The following ELMOD3 variants were observed in gnomAD, a reference collection of about 807,000 sequenced individuals.
ELMOD3 encodes ELMO domain containing 3, also known as ELMO domain-containing protein 3.
A neutral mutation model predicts 47.4 loss-of-function variants in ELMOD3; 36 were observed. The ratio of observed to expected loss-of-function variants is 0.76; its 90% CI spans 0.58 to 1.00. The LOEUF (loss-of-function observed/expected upper bound fraction) is 1.00, where lower values mean the gene tolerates loss of function less well. Among genes scored for constraint, ELMOD3 ranks in the 50% least tolerant of loss-of-function variants. The pLI, the probability that ELMOD3 is intolerant of heterozygous loss-of-function variation, is 0.00. For missense variants in ELMOD3, 404 were observed against 463.8 expected, an observed-to-expected ratio of 0.87 and a Z score of 1.18; for synonymous variants, 149 against 183.5, an observed-to-expected ratio of 0.81 and a Z score of 1.52.
At chr2:85,364,413 G>A (rs984235231) in intron 6 of ELMOD3, among the ~76,000 whole-genome samples, 31 of 151,902 alleles carry the variant, frequency 2.0e-4, no homozygotes, top group African/African-American at 7.0e-4. Context: ...GTTAAACCCC[G>A]TCTCTAGTAA....
At chr2:85,382,966 C>T (rs1685685801) in intron 11 of ELMOD3, among the ~76,000 whole-genome samples, 1 of 146,572 alleles carries the variant, frequency 6.8e-6, no homozygotes, top group Non-Finnish European at 1.5e-5. Flanking sequence ...AAAAAAAACT[C>T]ATCTTCCCTG....
At chr2:85,380,045 G>C (rs1224908883) in intron 11 of ELMOD3, among the ~76,000 whole-genome samples, 1 of 152,168 alleles carries the variant, frequency 6.6e-6, no homozygotes, top group African/African-American at 2.4e-5. Flanking sequence ...AATCAAGTTT[G>C]AGTTCTTAAA....
Position 85,357,022 on chromosome 2 carries a change from A to G in ELMOD3, c.-177A>G. On this transcript the variant is annotated 5_prime_UTR_variant, in exon 4 of 14. Transcript: ENST00000409013. ...CTCTCAGCACTCACAGAAACCTCCT[A>G]CACCCTCGGATGGCACAAAGGGACT... 1.9e-6 allele frequency: 1 copy of G among 524,854 alleles called. No individual in the cohort carries two copies. The allele number at this position is 524,854 out of a possible 1,614,324, so 32.5% of individuals were successfully genotyped here. A position where few individuals can be genotyped will look rare whatever the true frequency, so the allele number is the denominator to read the frequency against.
In ELMOD3 at chr2:85,377,430, C is replaced by G; in HGVS notation, c.694C>G (p.Pro232Ala). The G allele has an allele frequency of 6.2e-7, 1 of 1,610,454 alleles. No homozygotes were observed. Among genetic ancestry groups the G allele is most frequent in the Non-Finnish European group, 8.5e-7 (1 of 1,178,242 alleles). ...CCTGGTGATGGACTCAAAGACCTTG[C>G]CGATGGCGCAGGAGATTTTCCGCCT... The part of the protein sequence containing the change: ...LYLVMDSKTL[P>A]MAQEIFRLSR... Residue 232 changes from proline to alanine, a missense_variant, in exon 11 of 14, where the codon CCG (proline) becomes GCG (alanine). Pro to Ala is a conservative substitution (Grantham distance 27, BLOSUM62 -1). Coordinates refer to ENST00000409013, the MANE Select transcript of ELMOD3 (RefSeq NM_001135022.2).
rs112765866 is a variant in ELMOD3 at position 85,377,338 on chromosome 2, T to C, written c.608-6T>C. On this transcript the variant is annotated splice_region_variant and splice_polypyrimidine_tract_variant and intron_variant, in intron 10 of 13. Coordinates refer to ENST00000409013, the MANE Select transcript of ELMOD3 (RefSeq NM_001135022.2). ...ACACCCTGTTTCCTCACGGTCTCTG[T>C]TACAGGAGCGAATCCAGCCACAGAC... 6.3e-6 allele frequency: 10 copies of C among 1,593,570 alleles called. No homozygotes were observed. The highest frequency in any genetic ancestry group is 2.7e-5 in the African/African-American group (2 of 74,042).
Position 85,369,725 on chromosome 2 carries a change from C to A in ELMOD3, c.269-14C>A. ...ACTCCTATAAATCCTGGCATGTCTT[C>A]CGTTTTGCCACAGGGAGCCAAGCTA... On this transcript the variant is annotated splice_polypyrimidine_tract_variant and intron_variant, in intron 7 of 13. Transcript: ENST00000409013. 6.2e-7 allele frequency: 1 copy of A among 1,612,254 alleles called. No homozygotes were observed. The highest frequency in any genetic ancestry group is 8.5e-7 in the Non-Finnish European group (1 of 1,179,244).
At chr2:85,387,469 T>C (rs890124484) in intron 11 of ELMOD3, among the ~76,000 whole-genome samples, 9 of 151,846 alleles carry the variant, frequency 5.9e-5, no homozygotes, top group African/African-American at 2.2e-4. Context: ...CAAAACCAGC[T>C]TGGCCAACAT....
chr2:85,390,748 T>C lies in ELMOD3; in HGVS notation c.944-12T>C. ...CCTCAAGCCTTCTGCTCCCCAATTC[T>C]CTCTGTTGCAGAGTTGGAAGTATTG... On this transcript the variant is annotated splice_polypyrimidine_tract_variant and intron_variant, in intron 13 of 13. Transcript: ENST00000409013. 5 of 1,550,206 alleles carry C rather than the reference T, an allele frequency of 3.2e-6. No homozygotes were observed. The highest frequency in any genetic ancestry group is 4.4e-6 in the Non-Finnish European group (5 of 1,146,916).
rs769854449 is a variant in ELMOD3 at position 85,390,274 on chromosome 2, T to C, written c.943+9T>C. ...GGGCTTTGTCCTCAAAGGTGTGCTCTTTCTTCTGGGGAGGCCTAGGCTGAA... is the reference window on the plus strand; with the variant it reads ...GGGCTTTGTCCTCAAAGGTGTGCTCCTTCTTCTGGGGAGGCCTAGGCTGAA... On this transcript the variant is annotated intron_variant, in intron 13 of 13. Coordinates refer to ENST00000409013, the MANE Select transcript of ELMOD3 (RefSeq NM_001135022.2). The C allele has an allele frequency of 2.5e-6, 4 of 1,614,176 alleles. No individual in the cohort carries two copies. Among genetic ancestry groups the C allele is most frequent in the South Asian group, 2.2e-5 (2 of 91,086 alleles).
At chr2:85,380,848 C>T (rs577030967) in intron 11 of ELMOD3, among the ~76,000 whole-genome samples, 3 of 152,180 alleles carry the variant, frequency 2.0e-5, no homozygotes, top group African/African-American at 7.2e-5. Context: ...TATAAAACCA[C>T]CTTCTAAAGA....
chr2:85,377,650 T>G (rs1468171616), intron 11 of ELMOD3, among the ~76,000 whole-genome samples, 176 bp downstream of exon 11: 1 of 152,224 alleles, frequency 6.6e-6, no homozygotes, highest in Non-Finnish European at 1.5e-5. Context: ...AGCAAGTTCC[T>G]CGACTCCTCA....
intron 11 of ELMOD3, among the ~76,000 whole-genome samples, chr2:85,378,515 A>T (rs1162212311): frequency 1.3e-5 from 2 of 152,232 alleles, no homozygotes; most frequent in African/African-American, 2.4e-5. Flanking sequence ...TAGAAGCAAA[A>T]GCGGGAGGAC....
At chr2:85,390,104 C>T (rs1573161251) in intron 12 of ELMOD3, 34 bp from the exon 13 acceptor site, 2 of 1,584,862 alleles carry the variant, frequency 1.3e-6, no homozygotes, top group South Asian at 1.1e-5. Flanking sequence ...CCTTCATCCA[C>T]CGCTGAGCAG....
At chr2:85,389,884 A>C in intron 12 of ELMOD3, 57 bp downstream of exon 12, 1 of 1,516,248 alleles carries the variant, frequency 6.6e-7, no homozygotes, top group South Asian at 1.1e-5. Context: ...GTTCGTCCCC[A>C]CTCTGGCTTA....
chr2:85,359,252 C>G (rs1411014301), intron 4 of ELMOD3, among the ~76,000 whole-genome samples: 2 of 152,192 alleles, frequency 1.3e-5, no homozygotes, highest in Non-Finnish European at 2.9e-5. Flanking sequence ...CCCGCATGTA[C>G]AAAACATGTA....
chr2:85,368,580 T>C (rs953933480), intron 6 of ELMOD3, 106 bp from the exon 7 acceptor site: 1 of 1,124,466 alleles, frequency 8.9e-7, no homozygotes, highest in Non-Finnish European at 1.3e-6. Flanking sequence ...ACCCCATCTC[T>C]TAAAAAAAAA....
At chr2:85,382,909 G>A (rs566257422) in intron 11 of ELMOD3, among the ~76,000 whole-genome samples, 84 of 149,302 alleles carry the variant, frequency 5.6e-4, no homozygotes, top group Non-Finnish European at 8.9e-4. Flanking sequence ...GATGGGTCTC[G>A]GGCTGTAGAC....
In ELMOD3 at chr2:85,357,164, A is replaced by C. The variant is rs746996716; in HGVS notation, c.-35A>C. The C allele has an allele frequency of 5.2e-6, 8 of 1,547,750 alleles. No homozygotes were observed. Among genetic ancestry groups the C allele is most frequent in the Non-Finnish European group, 6.2e-6 (7 of 1,130,224 alleles). ...CTTACTAAAATGCTTTCTGGGCCCAAGGACAAAGCTCACATGAACAAATGA... is the reference window on the plus strand; with the variant it reads ...CTTACTAAAATGCTTTCTGGGCCCACGGACAAAGCTCACATGAACAAATGA... On this transcript the variant is annotated 5_prime_UTR_variant, in exon 4 of 14. Transcript: ENST00000409013.
At chr2:85,368,787 C>T (rs746693011) in intron 7 of ELMOD3, 33 bp downstream of exon 7, 3 of 1,611,450 alleles carry the variant, frequency 1.9e-6, no homozygotes, top group Non-Finnish European at 2.5e-6. Flanking sequence ...CTCCCCATAG[C>T]CCCTCTGCCA....
Sources: gnomAD v4.1 joint callset for allele counts (sites outside exome capture counted in the v4.1 genomes callset) on GRCh38, gnomAD v4.1.1 for gene constraint, MANE v1.5 for transcripts, NCBI Gene and HGNC (gene_info 2026-07-23, HGNC 2026-07-21) for gene names.